Variants in MYO7A observed in about 807,000 individuals in gnomAD.
MYO7A encodes the protein unconventional myosin-VIIa.
Under a neutral mutation model 263.8 loss-of-function variants are expected in MYO7A, and 210 were observed. The observed-to-expected ratio is 0.80, with a 90% CI of 0.71 to 0.89. The LOEUF (loss-of-function observed/expected upper bound fraction) is 0.89, where lower values mean the gene tolerates loss of function less well. Among genes scored for constraint, MYO7A ranks in the 40% least tolerant of loss-of-function variants. The probability of loss-of-function intolerance (pLI) is 0.00; values close to 1 mark genes in which losing one functional copy is unlikely to be tolerated. For synonymous variants in MYO7A, 1,239 were observed against 1,197.3 expected (o/e 1.03, Z -0.72); for missense variants, 2,820 against 2,968.3 (o/e 0.95, Z 1.16).
chr11:77,177,446 T>C, intron 18 of MYO7A, 103 bp from the exon 19 acceptor site: 2 of 944,698 alleles, frequency 2.1e-6, no homozygotes, highest in South Asian at 2.9e-5. Flanking sequence ...AACTGAGTTC[T>C]TGACCTGTGC....
Position 77,155,813 on chromosome 11 carries a change from C to T in MYO7A, c.286-94C>T, listed in dbSNP as rs1952406545. 7.4e-6 allele frequency: 10 copies of T among 1,357,892 alleles called. No homozygotes were observed. In the South Asian group the frequency reaches 1.1e-4, roughly 15 times the overall value. The allele number at this position is 1,357,892 out of a possible 1,614,324, so 84.1% of individuals were successfully genotyped here. A position where few individuals can be genotyped will look rare whatever the true frequency, so the allele number is the denominator to read the frequency against. ...GACTCCAAAGCCAGGACTCTTCCCT[C>T]CAGGGTGCTGGAGCAGGGCAGAGCC... On this transcript the variant is annotated intron_variant, in intron 4 of 48. Coordinates refer to ENST00000409709, the MANE Select transcript of MYO7A (RefSeq NM_000260.4).
chr11:77,172,194 C>T (rs1490070308), intron 15 of MYO7A, among the ~76,000 whole-genome samples: 16 of 152,232 alleles, frequency 1.1e-4, no homozygotes, highest in Admixed American at 1.0e-3. Context: ...TGACCTCTGA[C>T]CCTTGTCACA....
chr11:77,197,931 C>CTA lies in MYO7A; in HGVS notation c.4441+334_4441+335insAT, dbSNP rs2135663402. 3.3e-5 allele frequency among the ~76,000 whole-genome samples: 5 copies of CTA among 152,168 alleles called. 1 individual carries two copies. The South Asian group carries it at 1.0e-3, about 31-fold the overall frequency. On this transcript the variant is annotated intron_variant, in intron 33 of 48. Coordinates refer to ENST00000409709, the MANE Select transcript of MYO7A (RefSeq NM_000260.4). ...CGGTAGCGACTCCATGGCACATCTTCTGTGCTCAGTGGTGCACGGGATTGA... is the reference window on the plus strand; with the variant it reads ...CGGTAGCGACTCCATGGCACATCTTCTATGTGCTCAGTGGTGCACGGGATTGA...
At chr11:77,204,363 GC>G in intron 39 of MYO7A, 134 bp downstream of exon 39, 1 of 1,264,432 alleles carries the variant, frequency 7.9e-7, no homozygotes, top group Non-Finnish European at 1.1e-6. Flanking sequence ...CTGCTCATGG[GC>G]CCCCTCACAT....
In MYO7A at chr11:77,162,259, G is replaced by T; in HGVS notation, c.1483G>T (p.Ala495Ser). 1 of 1,557,258 alleles carries T rather than the reference G, an allele frequency of 6.4e-7. No individual in the cohort carries two copies. The highest frequency in any genetic ancestry group is 1.9e-5 in the Admixed American group (1 of 51,488). The stretch of plus-strand genomic sequence containing the variant: ...CATCGAGTTCACTGACAACCAGGAT[G>T]CCCTGGACATGATTGCCAACAAGCC... The part of the protein sequence containing the change: ...LHIEFTDNQD[A>S]LDMIANKPMN... The change falls in exon 13 of 49, where the codon GCC (alanine) becomes TCC (serine). Residue 495 changes from alanine (A) to serine (S), a missense_variant. Transcript: ENST00000409709.
rs367801483 is a variant in MYO7A at position 77,198,631 on chromosome 11, C to G, written c.4568+10C>G. ...CCGTGTCCAGCAGCAGGTGAGGAGG[C>G]CCGCATGGAGATGCAGACAGACAGA... On this transcript the variant is annotated intron_variant, in intron 34 of 48. Coordinates refer to ENST00000409709, the MANE Select transcript of MYO7A (RefSeq NM_000260.4). 2 of 1,613,374 alleles carry G rather than the reference C, an allele frequency of 1.2e-6. No individual in the cohort carries two copies. The highest frequency in any genetic ancestry group is 1.3e-5 in the African/African-American group (1 of 74,932).
chr11:77,133,988 G>A lies in MYO7A; in HGVS notation c.18+3336G>A, dbSNP rs556043730. On this transcript the variant is annotated intron_variant, in intron 2 of 48. Coordinates refer to ENST00000409709, the MANE Select transcript of MYO7A (RefSeq NM_000260.4). ...CTTGTAGCCCATGCTGGAGTGCAAT[G>A]ACACAATCTCGGCCCACTGCAACCT... is the stretch of plus-strand genomic sequence containing the variant. Among the ~76,000 whole-genome samples the A allele has an allele frequency of 3.8e-4, 58 of 152,290 alleles. 1 individual carries two copies. Among genetic ancestry groups the A allele is most frequent in the African/African-American group, 1.4e-3 (57 of 41,562 alleles).
rs41298135 is a variant in MYO7A at position 77,158,332 on chromosome 11, G to A, written c.905G>A (p.Arg302His). The A allele has an allele frequency of 2.9e-3, 4,747 of 1,613,070 alleles. 15 individuals are homozygous for A. Among genetic ancestry groups the A allele is most frequent in the Non-Finnish European group, 3.7e-3 (4,317 of 1,179,538 alleles). ...GACAGCCAGGAGTACGCCAACATCC[G>A]CTCCGCCATGAAGGTGCTCATGTTC... The part of the protein sequence containing the change: ...RVDSQEYANI[R>H]SAMKVLMFTD... Residue 302 changes from arginine to histidine, a missense_variant, in exon 9 of 49, where the codon CGC becomes CAC. Arg to His is a conservative substitution (Grantham distance 29, BLOSUM62 0). Coordinates refer to ENST00000409709, the MANE Select transcript of MYO7A (RefSeq NM_000260.4).
At position 77,205,488 on chromosome 11, in the gene MYO7A, T is replaced by C. The variant is rs1164918878; in HGVS notation, c.5507T>C (p.Leu1836Pro). Residue 1836 changes from leucine to proline, a missense_variant, in exon 40 of 49, where the codon CTG becomes CCG. Coordinates refer to ENST00000409709, the MANE Select transcript of MYO7A (RefSeq NM_000260.4). ...TACAGCGAGGAGCGGGGTTGGGAGCTGCTCTGGCTGTGCACGGGCCTTTTC... is the reference window on the plus strand; with the variant it reads ...TACAGCGAGGAGCGGGGTTGGGAGCCGCTCTGGCTGTGCACGGGCCTTTTC... ...IRYSEERGWE[L>P]LWLCTGLFPP... The C allele has an allele frequency of 1.3e-6, 2 of 1,587,024 alleles. No homozygotes were observed. Among genetic ancestry groups the C allele is most frequent in the Non-Finnish European group, 1.7e-6 (2 of 1,167,506 alleles).
At chr11:77,212,090 T>A in intron 46 of MYO7A, 153 bp downstream of exon 46, 1 of 723,826 alleles carries the variant, frequency 1.4e-6, no homozygotes, top group Non-Finnish European at 2.5e-6. Flanking sequence ...TGTCCCAGCT[T>A]AGCGTCTTAG....
At chr11:77,166,748 C>T (rs1176548361) in intron 15 of MYO7A, among the ~76,000 whole-genome samples, 2 of 152,226 alleles carry the variant, frequency 1.3e-5, no homozygotes, top group Non-Finnish European at 2.9e-5. Context: ...TTGCCCCTTC[C>T]ATGCCTGTCT....
intron 4 of MYO7A, among the ~76,000 whole-genome samples, chr11:77,151,072 C>G (rs1951925355): frequency 6.6e-6 from 1 of 152,232 alleles, no homozygotes; most frequent in Admixed American, 6.5e-5. Flanking sequence ...CTGCCTCCAG[C>G]TTCCCTGTCC....
chr11:77,165,171 C>T (rs1025826399), intron 14 of MYO7A, among the ~76,000 whole-genome samples: 1 of 152,236 alleles, frequency 6.6e-6, no homozygotes, highest in Non-Finnish European at 1.5e-5. Context: ...TGTGTGTCCC[C>T]TGCAACTCGC....
rs1380490886 is a variant in MYO7A at position 77,203,978 on chromosome 11, C to G, written c.5327-98C>G. ...TGTGCAGCCTGAGGGCCCAGGGTCA[C>G]AGCTTCAGGTGATGCAGGCCCTGTG... On this transcript the variant is annotated intron_variant, in intron 38 of 48. Coordinates refer to ENST00000409709, the MANE Select transcript of MYO7A (RefSeq NM_000260.4). The G allele has an allele frequency of 3.0e-6, 4 of 1,349,296 alleles. No homozygotes were observed. The African/African-American group carries it at 5.8e-5, about 20-fold the overall frequency. 83.6% of individuals were successfully genotyped at this position (1,349,296 alleles called of 1,614,324 possible). A position where few individuals can be genotyped will look rare whatever the true frequency, so the allele number is the denominator to read the frequency against.
At chr11:77,174,975 T>C in intron 17 of MYO7A, 61 bp downstream of exon 17, 1 of 1,585,600 alleles carries the variant, frequency 6.3e-7, no homozygotes, top group Non-Finnish European at 8.6e-7. Context: ...TGGGCAAGGG[T>C]CCCAATTTTC....
rs774717590 is a variant in MYO7A at position 77,205,576 on chromosome 11, A to G, written c.5595A>G (p.Pro1865=). ...QRFLQSRKHC[P]LAIDCLQRLQ... ...TCCTGCAGTCCCGAAAGCACTGCCC[A>G]CTCGCCATCGACTGCCTGCAACGGC... is the stretch of plus-strand genomic sequence containing the variant. Residue 1865 remains proline (P), a synonymous_variant, in exon 40 of 49, where the codon CCA becomes CCG. Coordinates refer to ENST00000409709, the MANE Select transcript of MYO7A (RefSeq NM_000260.4). 5.6e-6 allele frequency: 9 copies of G among 1,613,126 alleles called. No homozygotes were observed. The South Asian group carries it at 7.7e-5, about 14-fold the overall frequency.
rs541582500 is a variant in MYO7A, at chr11:77,157,429, C to T, written c.849+37C>T. ...GTGGGCCCCTGGGTAGGGGGGCACC[C>T]ACCCTAGGATTGTAGGGAGCTGGCT... On this transcript the variant is annotated intron_variant, in intron 8 of 48. Transcript: ENST00000409709. 3.5e-6 allele frequency: 5 copies of T among 1,433,206 alleles called. No individual in the cohort carries two copies. The East Asian group carries it at 1.2e-4, about 34-fold the overall frequency. 88.8% of individuals were successfully genotyped at this position (1,433,206 alleles called of 1,614,324 possible).
rs530740300 is a variant in MYO7A at position 77,165,935 on chromosome 11, C to T, written c.1691-121C>T. ...TGTCCCCTCCAGGCCTCAGGGCCCC[C>T]GTCATGAAATGGATGTGGTGGAACT... On this transcript the variant is annotated intron_variant, in intron 14 of 48. Coordinates refer to ENST00000409709, the MANE Select transcript of MYO7A (RefSeq NM_000260.4). The T allele has an allele frequency of 3.3e-4, 226 of 694,790 alleles. 3 individuals carry two copies. Among genetic ancestry groups the T allele is most frequent in the South Asian group, 3.2e-3 (183 of 57,522 alleles). The allele number at this position is 694,790 out of a possible 1,614,324, so 43.0% of individuals were successfully genotyped here.
In MYO7A at chr11:77,190,812, A is replaced by T. The variant is rs1474147212; in HGVS notation, c.3866A>T (p.Asp1289Val). The change falls in exon 30 of 49, where the codon GAC (aspartate) becomes GTC (valine). Residue 1289 changes from aspartate to valine, a missense_variant. By Grantham distance (152) the Asp-to-Val change is radical (BLOSUM62 -3). Coordinates refer to ENST00000409709, the MANE Select transcript of MYO7A (RefSeq NM_000260.4). Reference protein sequence around the residue: ...TAKELCNALADKISLKDRFGF... With the variant: ...TAKELCNALAVKISLKDRFGF... ...AAGGAGCTCTGCAACGCGCTGGCCG[A>T]CAAGATCTCTCTCAAGGACCGGTTC... 3.1e-6 allele frequency: 5 copies of T among 1,591,226 alleles called. No homozygotes were observed. The highest frequency in any genetic ancestry group is 4.3e-6 in the Non-Finnish European group (5 of 1,169,556).
Sources: gnomAD v4.1 joint callset for allele counts (sites outside exome capture counted in the v4.1 genomes callset) on GRCh38, gnomAD v4.1.1 for gene constraint, MANE v1.5 for transcripts, NCBI Gene and HGNC (gene_info 2026-07-23, HGNC 2026-07-21) for gene names.